Variants in PALM2AKAP2 observed in about 807,000 individuals in gnomAD.
PALM2AKAP2 encodes the protein PALM2-AKAP2 fusion protein.
In PALM2AKAP2, 37 loss-of-function variants were observed where a neutral mutation model predicts 71.5. That is an observed-to-expected ratio of 0.52 (90% CI 0.40 to 0.68). PALM2AKAP2 has a LOEUF of 0.68. Among genes scored for constraint, PALM2AKAP2 ranks in the 30% least tolerant of loss-of-function variants. The probability of loss-of-function intolerance (pLI) is 0.00; values close to 1 mark genes in which losing one functional copy is unlikely to be tolerated. For synonymous variants in PALM2AKAP2, 468 were observed against 478.8 expected, an observed-to-expected ratio of 0.98 and a Z score of 0.29; for missense variants, 1,224 against 1,191.8, an observed-to-expected ratio of 1.03 and a Z score of -0.40.
At chr9:109,650,411 A>G (rs1341792373) in intron 1 of PALM2AKAP2, among the ~76,000 whole-genome samples, 3 of 147,216 alleles carry the variant, frequency 2.0e-5, no homozygotes, top group Non-Finnish European at 3.1e-5. Context: ...AGATCAATTT[A>G]TTCATTTATT....
intron 3 of PALM2AKAP2, among the ~76,000 whole-genome samples, chr9:109,913,779 C>T (rs1373030730): frequency 3.1e-5 from 4 of 130,772 alleles, no homozygotes; most frequent in South Asian, 4.9e-4. Context: ...TTTTTTGAGA[C>T]GGAGTCTGGC....
chr9:109,748,414 A>G (rs1278616015), intron 1 of PALM2AKAP2, among the ~76,000 whole-genome samples: 1 of 152,168 alleles, frequency 6.6e-6, no homozygotes. Flanking sequence ...GGCCTTAAAC[A>G]TGAGGCGATA....
intron 1 of PALM2AKAP2, among the ~76,000 whole-genome samples, chr9:110,099,051 G>C (rs114708902): frequency 0.014 from 2,184 of 152,224 alleles, 48 homozygotes; most frequent in African/African-American, 0.043. Flanking sequence ...GCAAGACAGG[G>C]ACAGTCTTTA....
chr9:109,691,566 A>T (rs1386443634), intron 1 of PALM2AKAP2, among the ~76,000 whole-genome samples: 1 of 151,686 alleles, frequency 6.6e-6, no homozygotes, highest in Non-Finnish European at 1.5e-5. Flanking sequence ...GAAAACTCTT[A>T]TATCAAATTT....
At chr9:109,717,266 C>A (rs775115569) in intron 1 of PALM2AKAP2, among the ~76,000 whole-genome samples, 1 of 152,148 alleles carries the variant, frequency 6.6e-6, no homozygotes, top group Non-Finnish European at 1.5e-5. Flanking sequence ...TCTAGGGAAG[C>A]CTGTTTAATT....
At chr9:109,729,879 A>G in intron 1 of PALM2AKAP2, among the ~76,000 whole-genome samples, 1 of 152,222 alleles carries the variant, frequency 6.6e-6, no homozygotes, top group East Asian at 1.9e-4. Flanking sequence ...CAATAGGTTG[A>G]TTCTAAATTA....
intron 1 of PALM2AKAP2, among the ~76,000 whole-genome samples, chr9:110,068,085 C>CTTTTTTTTTTTTTTTTTT (rs1166191446): frequency 1.1e-5 from 1 of 94,024 alleles, no homozygotes. Context: ...ATGTTCCAAA[C>CTTTTTTTTTTTTTTTTTT]TCTTTTTTTT....
At chr9:110,018,243 C>G (rs1833016591) in intron 7 of PALM2AKAP2, among the ~76,000 whole-genome samples, 1 of 152,116 alleles carries the variant, frequency 6.6e-6, no homozygotes, top group Non-Finnish European at 1.5e-5. Context: ...CTGCCCTACC[C>G]CAGGAAGATT....
Position 109,712,097 on chromosome 9 carries a change from T to A in PALM2AKAP2, c.6-68391T>A, listed in dbSNP as rs189442945. Among the ~76,000 whole-genome samples, 33 of 152,234 alleles carry A rather than the reference T, an allele frequency of 2.2e-4. No individual in the cohort carries two copies. The East Asian group carries it at 6.0e-3, about 28-fold the overall frequency. Reference sequence around the variant, plus strand: ...TGTGCCTTTTGAACTGACAGATACATATACTTTATAGAACTGTGAACTTTT... The same window carrying A: ...TGTGCCTTTTGAACTGACAGATACAAATACTTTATAGAACTGTGAACTTTT... On this transcript the variant is annotated intron_variant, in intron 1 of 6. Coordinates refer to the PALM2AKAP2 transcript ENST00000374531.
chr9:109,806,136 G>A (rs969559125), intron 1 of PALM2AKAP2, among the ~76,000 whole-genome samples: 11 of 152,156 alleles, frequency 7.2e-5, no homozygotes, highest in African/African-American at 2.4e-4. Flanking sequence ...TCAACAAAAT[G>A]TGCATGTTCC....
chr9:109,983,814 G>A (rs979433842), intron 6 of PALM2AKAP2, among the ~76,000 whole-genome samples: 5 of 151,462 alleles, frequency 3.3e-5, no homozygotes, highest in South Asian at 2.1e-4. Flanking sequence ...GCAGTGAGCC[G>A]AGATCATGCC....
At chr9:110,131,472 G>A (rs1297495822) in intron 1 of PALM2AKAP2, among the ~76,000 whole-genome samples, 1 of 152,212 alleles carries the variant, frequency 6.6e-6, no homozygotes, top group African/African-American at 2.4e-5. Flanking sequence ...TTTGAAGCAT[G>A]GAGAAAATTC....
At chr9:109,748,732 A>T (rs1171923359) in intron 1 of PALM2AKAP2, among the ~76,000 whole-genome samples, 1 of 152,170 alleles carries the variant, frequency 6.6e-6, no homozygotes, top group Non-Finnish European at 1.5e-5. Flanking sequence ...AGTACCAGAG[A>T]CTGGGTGGCT....
chr9:109,677,809 T>C (rs1045573874), intron 1 of PALM2AKAP2, among the ~76,000 whole-genome samples: 30 of 152,214 alleles, frequency 2.0e-4, no homozygotes, highest in African/African-American at 6.3e-4. Flanking sequence ...CGGAACAACC[T>C]AGAAGGAATT....
At chr9:109,801,725 T>G (rs886080324) in intron 1 of PALM2AKAP2, among the ~76,000 whole-genome samples, 8 of 151,830 alleles carry the variant, frequency 5.3e-5, no homozygotes, top group African/African-American at 1.9e-4. Flanking sequence ...TGTGTGTGTG[T>G]GTGTTTGTGT....
At chr9:109,788,241 G>A (rs75551513) in intron 1 of PALM2AKAP2, among the ~76,000 whole-genome samples, 2,524 of 152,320 alleles carry the variant, frequency 0.017, 45 homozygotes, top group Non-Finnish European at 0.028. Flanking sequence ...ATGCAAATCT[G>A]AAATGCAAAC....
Position 109,705,196 on chromosome 9 carries a change from C to T in PALM2AKAP2, c.5+64330C>T, listed in dbSNP as rs148301603. Among the ~76,000 whole-genome samples the T allele has an allele frequency of 6.6e-5, 10 of 152,196 alleles. No homozygotes were observed. In the East Asian group the frequency reaches 1.5e-3, roughly 24 times the overall value. On this transcript the variant is annotated intron_variant, in intron 1 of 6. Transcript: ENST00000374531. ...CCTCATTGACTTGGAAAACAAGTGC[C>T]CCTAGCATGCTCCTTCAACTACTTG...
chr9:110,106,865 A>T (rs1279066468), intron 1 of PALM2AKAP2, among the ~76,000 whole-genome samples: 1 of 152,196 alleles, frequency 6.6e-6, no homozygotes, highest in Non-Finnish European at 1.5e-5. Context: ...GGAAATATTC[A>T]ATTCCAGCAA....
At chr9:110,084,039 C>A (rs1263830673) in intron 1 of PALM2AKAP2, among the ~76,000 whole-genome samples, 2 of 152,154 alleles carry the variant, frequency 1.3e-5, no homozygotes. Context: ...CTGAAGCATG[C>A]CAGAGGCTCA....
Sources: gnomAD v4.1 joint callset for allele counts (sites outside exome capture counted in the v4.1 genomes callset) on GRCh38, gnomAD v4.1.1 for gene constraint, MANE v1.5 for transcripts, NCBI Gene and HGNC (gene_info 2026-07-23, HGNC 2026-07-21) for gene names.